Variants in PTPRD observed in about 807,000 individuals in gnomAD.
PTPRD encodes the protein protein tyrosine phosphatase receptor type D.
Under a neutral mutation model 214.5 loss-of-function variants are expected in PTPRD, and 34 were observed. The observed-to-expected ratio is 0.16, with a 90% CI of 0.12 to 0.21. The LOEUF is 0.21. PTPRD is among the 10% of genes least tolerant of loss of function. PTPRD has a pLI of 1.00. For missense variants in PTPRD, 2,545 were observed against 2,398.7 expected (o/e 1.06, Z -1.27); for synonymous variants, 1,128 against 845.7 (o/e 1.33, Z -5.79).
At chr9:8,730,782 G>A (rs1346483832) in intron 12 of PTPRD, among the ~76,000 whole-genome samples, 1 of 152,098 alleles carries the variant, frequency 6.6e-6, no homozygotes, top group East Asian at 1.9e-4. Context: ...ATGGTTCTCG[G>A]AGCACTACCT....
intron 6 of PTPRD, among the ~76,000 whole-genome samples, chr9:9,745,093 G>A (rs1277713987): frequency 6.6e-6 from 1 of 151,934 alleles, no homozygotes; most frequent in Non-Finnish European, 1.5e-5. Flanking sequence ...AACATGAAAA[G>A]TAACTTAATT....
At chr9:10,442,714 G>C (rs527318045) in intron 2 of PTPRD, among the ~76,000 whole-genome samples, 50 of 151,536 alleles carry the variant, frequency 3.3e-4, no homozygotes, top group African/African-American at 1.1e-3. Flanking sequence ...GGGAAAACAA[G>C]GCAAGCATAA....
At chr9:8,900,827 C>T (rs961178372) in intron 11 of PTPRD, among the ~76,000 whole-genome samples, 1 of 152,128 alleles carries the variant, frequency 6.6e-6, no homozygotes, top group African/African-American at 2.4e-5. Context: ...CTTGGTTTAG[C>T]ATAAGATTTC....
At chr9:10,075,284 A>C (rs944467065) in intron 3 of PTPRD, among the ~76,000 whole-genome samples, 12 of 152,082 alleles carry the variant, frequency 7.9e-5, no homozygotes, top group Admixed American at 2.6e-4. Context: ...GCAAAAACTT[A>C]GTACATTATT....
intron 9 of PTPRD, among the ~76,000 whole-genome samples, chr9:9,272,166 C>T (rs2132875365): frequency 6.6e-6 from 1 of 151,200 alleles, no homozygotes; most frequent in East Asian, 2.0e-4. Flanking sequence ...CCAAAATATA[C>T]TTGAAACTGC....
At chr9:9,369,913 A>G (rs2058975433) in intron 9 of PTPRD, among the ~76,000 whole-genome samples, 1 of 152,116 alleles carries the variant, frequency 6.6e-6, no homozygotes, top group South Asian at 2.1e-4. Context: ...CAAAGATCAG[A>G]TAGTTGTAGA....
chr9:8,465,244 G>C (rs941981597), intron 32 of PTPRD, among the ~76,000 whole-genome samples: 1 of 151,748 alleles, frequency 6.6e-6, no homozygotes, highest in African/African-American at 2.4e-5. Flanking sequence ...TAAACTAGAG[G>C]GCCACCTAAA....
chr9:9,420,816 T>G (rs1474262364), intron 8 of PTPRD, among the ~76,000 whole-genome samples: 2 of 151,930 alleles, frequency 1.3e-5, no homozygotes, highest in Non-Finnish European at 2.9e-5. Flanking sequence ...AGTCACCAAA[T>G]AGCAGTGATT....
chr9:9,469,441 G>A (rs1165720398), intron 8 of PTPRD, among the ~76,000 whole-genome samples: 1 of 152,242 alleles, frequency 6.6e-6, no homozygotes, highest in South Asian at 2.1e-4. Context: ...ATGTACTTGG[G>A]TTCCAGAAAG....
intron 10 of PTPRD, among the ~76,000 whole-genome samples, chr9:9,069,650 G>A (rs2099740876): frequency 6.6e-6 from 1 of 152,182 alleles, no homozygotes; most frequent in South Asian, 2.1e-4. Context: ...TTAGTTTCTT[G>A]TAGTGACCAG....
At chr9:8,780,059 G>T (rs1035475235) in intron 11 of PTPRD, among the ~76,000 whole-genome samples, 8 of 151,926 alleles carry the variant, frequency 5.3e-5, no homozygotes, top group African/African-American at 1.9e-4. Flanking sequence ...TAAGCCCTCA[G>T]TGCTCCAGTT....
chr9:8,542,924 T>C lies in PTPRD; in HGVS notation c.353-14145A>G, dbSNP rs181912872. Among the ~76,000 whole-genome samples the C allele has an allele frequency of 4.9e-3, 751 of 152,332 alleles. 6 individuals carry two copies. Among genetic ancestry groups the C allele is most frequent in the Non-Finnish European group, 8.2e-3 (555 of 68,028 alleles). The stretch of plus-strand genomic sequence containing the variant: ...CCACTAATAGCTCAATTCCTGCAAT[T>C]TGAAGACAGTTGAGCATGCAAGGGT... On this transcript the variant is annotated intron_variant, in intron 14 of 45. Transcript: ENST00000381196.
intron 9 of PTPRD, among the ~76,000 whole-genome samples, chr9:9,304,177 C>A (rs1569567203): frequency 6.6e-6 from 1 of 152,086 alleles, no homozygotes; most frequent in East Asian, 1.9e-4. Flanking sequence ...GTTCCCTCAA[C>A]AATAGATTTT....
chr9:8,525,894 A>G (rs1172775332), intron 17 of PTPRD, among the ~76,000 whole-genome samples: 2 of 152,086 alleles, frequency 1.3e-5, no homozygotes, highest in African/African-American at 2.4e-5. Context: ...CAGCAATACC[A>G]CATACCACCA....
intron 11 of PTPRD, among the ~76,000 whole-genome samples, chr9:8,739,251 GA>G (rs1565693827): frequency 6.6e-6 from 1 of 152,206 alleles, no homozygotes; most frequent in East Asian, 1.9e-4. Context: ...CATGAAAAGA[GA>G]AGAGAACCCA....
chr9:10,370,012 G>A (rs532930102), intron 2 of PTPRD, among the ~76,000 whole-genome samples: 27 of 152,012 alleles, frequency 1.8e-4, no homozygotes, highest in Admixed American at 5.3e-4. Context: ...TTATGATGCA[G>A]GCACTATTAT....
intron 7 of PTPRD, among the ~76,000 whole-genome samples, chr9:9,652,436 G>A (rs2096386432): frequency 6.6e-6 from 1 of 152,014 alleles, no homozygotes; most frequent in Non-Finnish European, 1.5e-5. Flanking sequence ...TTGTAGTTGG[G>A]GAAGGTATTT....
chr9:8,695,768 G>C (rs981357575), intron 12 of PTPRD, among the ~76,000 whole-genome samples: 2 of 152,060 alleles, frequency 1.3e-5, no homozygotes, highest in African/African-American at 4.8e-5. Context: ...AAATTTCCTA[G>C]GGATGCTCCC....
At chr9:10,566,209 A>G (rs2065558205) in intron 2 of PTPRD, among the ~76,000 whole-genome samples, 1 of 152,020 alleles carries the variant, frequency 6.6e-6, no homozygotes, top group Admixed American at 6.6e-5. Context: ...GGTTTTTAAG[A>G]TGATGAACAA....
Sources: gnomAD v4.1 joint callset for allele counts (sites outside exome capture counted in the v4.1 genomes callset) on GRCh38, gnomAD v4.1.1 for gene constraint, MANE v1.5 for transcripts, NCBI Gene and HGNC (gene_info 2026-07-23, HGNC 2026-07-21) for gene names.